Variants in DIAPH2 observed in about 807,000 individuals in gnomAD.
DIAPH2 encodes the protein diaphanous related formin 2.
A neutral mutation model predicts 92.7 loss-of-function variants in DIAPH2; 35 were observed. That is an observed-to-expected ratio of 0.38 (90% CI 0.29 to 0.50). The LOEUF (loss-of-function observed/expected upper bound fraction) is 0.50, where lower values mean the gene tolerates loss of function less well. Among genes scored for constraint, DIAPH2 ranks in the 20% least tolerant of loss-of-function variants. DIAPH2 has a pLI of 0.94. For synonymous variants in DIAPH2, 301 were observed against 280.4 expected (o/e 1.07, Z -0.73); for missense variants, 701 against 819.5 (o/e 0.86, Z 1.77).
intron 26 of DIAPH2, among the ~76,000 whole-genome samples, chrX:97,485,502 T>C (rs1004585986): frequency 1.1e-4 from 12 of 112,791 alleles, no homozygotes; most frequent in African/African-American, 3.5e-4. Flanking sequence ...TGAAAGTCAT[T>C]TGAAAATGTT....
At chrX:97,524,578 C>T (rs750554677) in intron 26 of DIAPH2, among the ~76,000 whole-genome samples, 4 of 112,232 alleles carry the variant, frequency 3.6e-5, no homozygotes, top group African/African-American at 1.3e-4. Flanking sequence ...AGATATTGCA[C>T]CTTTACTGTA....
At chrX:97,187,388 A>G (rs774525167) in intron 22 of DIAPH2, among the ~76,000 whole-genome samples, 3 of 93,893 alleles carry the variant, frequency 3.2e-5, no homozygotes, top group Non-Finnish European at 4.1e-5. Context: ...TGATTCTCCA[A>G]CCTCAACCTC....
At chrX:97,568,076 A>G (rs1334568348) in intron 26 of DIAPH2, among the ~76,000 whole-genome samples, 2 of 86,975 alleles carry the variant, frequency 2.3e-5, no homozygotes, top group Non-Finnish European at 4.3e-5. Flanking sequence ...AGATTGCGCC[A>G]TTGCATGCCA....
chrX:97,587,782 G>A (rs1484949572), intron 26 of DIAPH2, among the ~76,000 whole-genome samples: 1 of 111,908 alleles, frequency 8.9e-6, no homozygotes, highest in Non-Finnish European at 1.9e-5. Flanking sequence ...TATTTAAAAT[G>A]TTCAGCTTTT....
intron 23 of DIAPH2, among the ~76,000 whole-genome samples, chrX:97,275,346 G>A (rs1046413886): frequency 9.7e-6 from 1 of 103,444 alleles, no homozygotes; most frequent in African/African-American, 3.5e-5. Context: ...TCCCTCCTGG[G>A]TGGGGCAGCT....
chrX:97,491,559 C>T (rs1009381317), intron 26 of DIAPH2, among the ~76,000 whole-genome samples: 10 of 110,499 alleles, frequency 9.0e-5, no homozygotes, highest in Admixed American at 4.8e-4. Context: ...TACAGGCGTG[C>T]ACCACCACAC....
At chrX:97,456,982 C>T (rs1337093729) in intron 26 of DIAPH2, among the ~76,000 whole-genome samples, 1 of 111,878 alleles carries the variant, frequency 8.9e-6, no homozygotes, top group Non-Finnish European at 1.9e-5. Context: ...GTTTACATTT[C>T]CCTGATTATC....
At chrX:97,253,293 A>AAAAAAAAAT (rs748186406) in intron 23 of DIAPH2, among the ~76,000 whole-genome samples, 6 of 91,740 alleles carry the variant, frequency 6.5e-5, no homozygotes, top group African/African-American at 2.4e-4. Flanking sequence ...CTCCGTAAAA[A>AAAAAAAAAT]AAAATAAAAT....
intron 5 of DIAPH2, chrX:96,884,029 T>A (rs1391135847): frequency 3.8e-6 from 1 of 265,061 alleles, no homozygotes. Flanking sequence ...GTGGGACTTT[T>A]AGAATGTAGC....
intron 22 of DIAPH2, among the ~76,000 whole-genome samples, chrX:97,201,384 A>G (rs1392822482): frequency 1.0e-5 from 1 of 97,255 alleles, no homozygotes; most frequent in Non-Finnish European, 2.1e-5. Context: ...CTAAAGGATC[A>G]TGTTCTAACC....
Position 97,219,721 on chromosome X carries a change from T to G in DIAPH2, c.2720-27994T>G, listed in dbSNP as rs982806397. On this transcript the variant is annotated intron_variant, in intron 22 of 26. Transcript: ENST00000324765. ...AATAAAATAGATGGAAGTACAGCGC[T>G]GAAGAGAAACTACCCTGGCAAAAGT... is the stretch of plus-strand genomic sequence containing the variant. 2.7e-5 allele frequency among the ~76,000 whole-genome samples: 3 copies of G among 111,936 alleles called. No individual in the cohort carries two copies. In the Admixed American group the frequency reaches 2.9e-4, roughly 11 times the overall value.
chrX:97,000,321 G>A lies in DIAPH2; in HGVS notation c.2050+35114G>A, dbSNP rs139060944. ...CCAATTGTCCACTTTCAAAGTAAAGGCCTGGCAATTGTGGAATTGAAATTT... is the reference window on the plus strand; with the variant it reads ...CCAATTGTCCACTTTCAAAGTAAAGACCTGGCAATTGTGGAATTGAAATTT... On this transcript the variant is annotated intron_variant, in intron 17 of 26. Coordinates refer to ENST00000324765, the MANE Select transcript of DIAPH2 (RefSeq NM_006729.5). 1.1e-3 allele frequency among the ~76,000 whole-genome samples: 123 copies of A among 111,867 alleles called. 1 individual carries two copies. The highest frequency in any genetic ancestry group is 3.7e-3 in the African/African-American group (113 of 30,798).
At chrX:97,062,732 C>CT (rs755010389) in intron 17 of DIAPH2, among the ~76,000 whole-genome samples, 1 of 111,149 alleles carries the variant, frequency 9.0e-6, no homozygotes, top group South Asian at 3.8e-4. Context: ...CTAAACTTGA[C>CT]TTAAAAAAAG....
chrX:96,894,879 A>C, intron 5 of DIAPH2, among the ~76,000 whole-genome samples: 1 of 110,329 alleles, frequency 9.1e-6, no homozygotes, highest in Middle Eastern at 4.7e-3. Flanking sequence ...CAATGTGCTT[A>C]GAAAGTTGGA....
chrX:97,286,165 C>G (rs1392134662), intron 23 of DIAPH2, among the ~76,000 whole-genome samples: 1 of 107,315 alleles, frequency 9.3e-6, no homozygotes, highest in East Asian at 2.9e-4. Context: ...CTCAGCCTCC[C>G]AAGTAGGATT....
chrX:97,360,093 C>T (rs1210845730), intron 24 of DIAPH2, among the ~76,000 whole-genome samples: 3 of 111,313 alleles, frequency 2.7e-5, no homozygotes, highest in Non-Finnish European at 5.6e-5. Flanking sequence ...CTTCAGGGAT[C>T]TTATATATTT....
At position 97,444,917 on chromosome X, in the gene DIAPH2, C is replaced by T. The variant is rs775435525; in HGVS notation, c.3241+15172C>T. On this transcript the variant is annotated intron_variant, in intron 26 of 26. Coordinates refer to ENST00000324765, the MANE Select transcript of DIAPH2 (RefSeq NM_006729.5). ...AGTTAGTAGTCCTAAAAACCCAGAA[C>T]GTGGAAGCACCCAGATGATGCCTAT... Among the ~76,000 whole-genome samples the T allele has an allele frequency of 6.3e-5, 7 of 111,609 alleles. No individual in the cohort carries two copies. In the South Asian group the frequency reaches 2.3e-3, roughly 37 times the overall value.
chrX:97,190,908 C>G (rs951273178), intron 22 of DIAPH2, among the ~76,000 whole-genome samples: 1 of 109,273 alleles, frequency 9.2e-6, no homozygotes, highest in African/African-American at 3.3e-5. Flanking sequence ...TCCCCCAGTT[C>G]ATTATCTGAA....
At chrX:97,007,761 C>CTT (rs1202951643) in intron 17 of DIAPH2, among the ~76,000 whole-genome samples, 25 of 80,989 alleles carry the variant, frequency 3.1e-4, no homozygotes, top group Admixed American at 4.2e-4. Context: ...TTCTTTTTTT[C>CTT]TTTTTTTTTT....
Sources: allele counts gnomAD v4.1 joint callset (sites outside exome capture counted in the v4.1 genomes callset), GRCh38; gene constraint gnomAD v4.1.1; transcripts MANE v1.5; gene names NCBI Gene and HGNC (gene_info 2026-07-23, HGNC 2026-07-21).